The following OPTC variants were observed in gnomAD, a reference collection of about 807,000 sequenced individuals.
OPTC encodes oculoglycan.
A neutral mutation model predicts 25.4 loss-of-function variants in OPTC; 22 were observed. The ratio of observed to expected loss-of-function variants is 0.87; its 90% confidence interval spans 0.62 to 1.24. The LOEUF (loss-of-function observed/expected upper bound fraction) is 1.24. OPTC is among the 50% of genes most tolerant of loss of function. The pLI is 0.00. For synonymous variants in OPTC, 169 were observed against 179.3 expected (o/e 0.94, Z 0.46); for missense variants, 417 against 425.2 (o/e 0.98, Z 0.17).
chr1:203,508,251 C>T (rs1273958292), intron 7 of OPTC, among the ~76,000 whole-genome samples: 1 of 152,174 alleles, frequency 6.6e-6, no homozygotes, highest in African/African-American at 2.4e-5. Flanking sequence ...CACGTCCCCC[C>T]AAAATGCTTT....
In OPTC at chr1:203,497,013, A is replaced by T; in HGVS notation, c.268A>T (p.Ser90Cys). 1 of 1,614,086 alleles carries T rather than the reference A, an allele frequency of 6.2e-7. No homozygotes were observed. ...VTSLAPATSI[S>C]PAKSTTAPGT... ...TAGCCTCGCTCCTGCAACCAGCATCAGTCCCGCCAAGAGCACTACGGCTCC... is the reference window on the plus strand; with the variant it reads ...TAGCCTCGCTCCTGCAACCAGCATCTGTCCCGCCAAGAGCACTACGGCTCC... Residue 90 changes from serine to cysteine, a missense_variant, in exon 3 of 8, where the codon AGT becomes TGT. Physicochemically the swap from Ser to Cys is moderately radical, Grantham distance 112. Coordinates refer to ENST00000367222, the MANE Select transcript of OPTC (RefSeq NM_014359.4).
intron 5 of OPTC, among the ~76,000 whole-genome samples, chr1:203,500,245 C>A (rs1661365707): frequency 1.6e-4 from 1 of 6,362 alleles, no homozygotes; most frequent in South Asian, 7.4e-3. Flanking sequence ...CTCCACACAC[C>A]ACCACCCACC....
At chr1:203,497,182 A>AG (rs1661294951) in intron 3 of OPTC, 67 bp downstream of exon 3, 1 of 1,579,152 alleles carries the variant, frequency 6.3e-7, no homozygotes, top group Admixed American at 1.7e-5. Context: ...ACCCAGCACC[A>AG]GGGGGTACCA....
In OPTC at chr1:203,506,954, G is replaced by A. The variant is rs1424772459; in HGVS notation, c.*26-1692G>A. On this transcript the variant is annotated intron_variant, in intron 7 of 7. Transcript: ENST00000367222. ...CTCCGGGAGGGGTTCCCCAAGGGCC[G>A]CTGCCTCTGCAGCTGTCTCTTGGCT... is the stretch of plus-strand genomic sequence containing the variant. Among the ~76,000 whole-genome samples, 6 of 152,378 alleles carry A rather than the reference G, an allele frequency of 3.9e-5. No homozygotes were observed. The East Asian group carries it at 7.7e-4, about 20-fold the overall frequency.
At chr1:203,506,832 A>G (rs1661498466) in intron 7 of OPTC, among the ~76,000 whole-genome samples, 1 of 152,354 alleles carries the variant, frequency 6.6e-6, no homozygotes, top group East Asian at 1.9e-4. Flanking sequence ...CAGAGTCTGA[A>G]GTCCTGCTCT....
In OPTC at chr1:203,506,520, A is replaced by C. The variant is rs575381112; in HGVS notation, c.*26-2126A>C. 1.4e-4 allele frequency among the ~76,000 whole-genome samples: 22 copies of C among 151,800 alleles called. 1 individual carries two copies. The highest frequency in any genetic ancestry group is 1.4e-3 in the Admixed American group (22 of 15,246). On this transcript the variant is annotated intron_variant, in intron 7 of 7. Coordinates refer to ENST00000367222, the MANE Select transcript of OPTC (RefSeq NM_014359.4). Reference sequence around the variant, plus strand: ...TTTTCCAGAACTGGGGCTTTTGGGTACTGGAAGCCACATCATTCCCACATG... The same window carrying C: ...TTTTCCAGAACTGGGGCTTTTGGGTCCTGGAAGCCACATCATTCCCACATG...
In OPTC at chr1:203,496,247, C is replaced by T. The variant is rs562558699; in HGVS notation, c.231+11C>T. 1.3e-6 allele frequency: 2 copies of T among 1,591,318 alleles called. No individual in the cohort carries two copies. Among genetic ancestry groups the T allele is most frequent in the African/African-American group, 1.3e-5 (1 of 74,462 alleles). On this transcript the variant is annotated intron_variant, in intron 2 of 7. Transcript: ENST00000367222. ...GACCAACTCCCCGAGGTGAGGGACA[C>T]AGCAGACCAACTACATTCCCTGCAT...
At chr1:203,496,744 T>G (rs1661287442) in intron 2 of OPTC, among the ~76,000 whole-genome samples, 1 of 151,922 alleles carries the variant, frequency 6.6e-6, no homozygotes, top group East Asian at 1.9e-4. Flanking sequence ...GGCTCTTTGA[T>G]CCTCATCCCT....
intron 5 of OPTC, among the ~76,000 whole-genome samples, chr1:203,501,203 C>A (rs1661386684): frequency 6.6e-6 from 1 of 152,188 alleles, no homozygotes; most frequent in African/African-American, 2.4e-5. Context: ...CGTGTTCAAG[C>A]AATTCTCCTG....
chr1:203,505,948 C>CTCTGTG (rs560311633), intron 7 of OPTC, among the ~76,000 whole-genome samples: 8 of 140,708 alleles, frequency 5.7e-5, no homozygotes, highest in South Asian at 2.3e-4. Flanking sequence ...CTCTCTCTCT[C>CTCTGTG]AGAGTGTGTG....
chr1:203,508,341 C>A (rs140414741), intron 7 of OPTC, among the ~76,000 whole-genome samples: 1 of 152,290 alleles, frequency 6.6e-6, no homozygotes, highest in East Asian at 1.9e-4. Context: ...AGGGCCTGCC[C>A]CCAGCAGGTT....
chr1:203,497,050 C>A lies in OPTC; in HGVS notation c.305C>A (p.Ser102Ter). ...AGCACTACGGCTCCAGGGACACCCTCGTCAAACCCCACGATGACCAGACCT... is the reference window on the plus strand; with the variant it reads ...AGCACTACGGCTCCAGGGACACCCTAGTCAAACCCCACGATGACCAGACCT... ...AKSTTAPGTPSSNPTMTRPTT... is the reference protein window; with the variant it reads ...AKSTTAPGTP The change falls in exon 3 of 8, where the codon TCG becomes TAG. Residue 102 changes from serine to a stop codon, truncating the protein, a stop_gained. Transcript: ENST00000367222. LOFTEE classifies it high-confidence loss of function. 1.2e-6 allele frequency: 2 copies of A among 1,614,076 alleles called. No individual in the cohort carries two copies. Among genetic ancestry groups the A allele is most frequent in the Non-Finnish European group, 1.7e-6 (2 of 1,179,992 alleles).
intron 7 of OPTC, among the ~76,000 whole-genome samples, chr1:203,505,998 T>C (rs1286618827): frequency 6.6e-6 from 1 of 152,090 alleles, no homozygotes; most frequent in Non-Finnish European, 1.5e-5. Context: ...CCTTTCTCTG[T>C]TTCATCCACC....
At chr1:203,506,285 G>A (rs1661486198) in intron 7 of OPTC, among the ~76,000 whole-genome samples, 1 of 151,442 alleles carries the variant, frequency 6.6e-6, no homozygotes, top group African/African-American at 2.4e-5. Context: ...CTGAGTAGCT[G>A]GGATTACAGG....
intron 3 of OPTC, 98 bp from the exon 4 acceptor site, chr1:203,498,583 G>T (rs1222477085): frequency 6.8e-7 from 1 of 1,468,610 alleles, no homozygotes; most frequent in Non-Finnish European, 9.5e-7. Flanking sequence ...CTATCAAAAA[G>T]GCACAGATGG....
At chr1:203,507,286 G>A (rs1179170623) in intron 7 of OPTC, among the ~76,000 whole-genome samples, 1 of 152,198 alleles carries the variant, frequency 6.6e-6, no homozygotes, top group Non-Finnish European at 1.5e-5. Flanking sequence ...GGTAAAGATG[G>A]AGAGAATGAC....
At position 203,498,847 on chromosome 1, in the gene OPTC, A is replaced by T; in HGVS notation, c.529+8A>T. ...AAGACTTCAAAGGGCTGAGTATGTA[A>T]TGCCCTGGGAAAAGAGGAGTGGGGG... On this transcript the variant is annotated splice_region_variant and intron_variant, in intron 4 of 7. Transcript: ENST00000367222. 1 of 1,613,578 alleles carries T rather than the reference A, an allele frequency of 6.2e-7. No individual in the cohort carries two copies. Among genetic ancestry groups the T allele is most frequent in the East Asian group, 2.2e-5 (1 of 44,872 alleles).
chr1:203,503,181 A>G (rs1334167014), intron 6 of OPTC, among the ~76,000 whole-genome samples, 172 bp downstream of exon 6: 1 of 152,196 alleles, frequency 6.6e-6, no homozygotes, highest in Admixed American at 6.5e-5. Flanking sequence ...ATAGTTGTCC[A>G]TGACCCCAGT....
chr1:203,499,827 G>A lies in OPTC; in HGVS notation c.708G>A (p.Ser236=), dbSNP rs781272745. Reference sequence around the variant, plus strand: ...TCCGCCTAAATCGGCTCCAGAGCTCGGGGATACAGCCTGCAGCCTTCAGGG... The same window carrying A: ...TCCGCCTAAATCGGCTCCAGAGCTCAGGGATACAGCCTGCAGCCTTCAGGG... The part of the protein sequence containing the change: ...LDVRLNRLQS[S]GIQPAAFRAM... The change falls in exon 5 of 8, where the codon TCG becomes TCA. Residue 236 remains serine (S), a synonymous_variant. Transcript: ENST00000367222. The A allele has an allele frequency of 1.3e-5, 21 of 1,612,070 alleles. No individual in the cohort carries two copies. Among genetic ancestry groups the A allele is most frequent in the South Asian group, 7.7e-5 (7 of 91,076 alleles).
Sources: allele counts gnomAD v4.1 joint callset (sites outside exome capture counted in the v4.1 genomes callset), GRCh38; gene constraint gnomAD v4.1.1; transcripts MANE v1.5; gene names NCBI Gene and HGNC (gene_info 2026-07-23, HGNC 2026-07-21).